The following NRG1 variants were observed in gnomAD, a reference collection of about 807,000 sequenced individuals.
NRG1 encodes the protein neuregulin 1.
In NRG1, 18 loss-of-function variants were observed where a neutral mutation model predicts 63.8. The observed-to-expected ratio is 0.28, with a 90% CI of 0.19 to 0.42. NRG1 has a LOEUF of 0.42. NRG1 is among the 10% of genes least tolerant of loss of function. NRG1 has a pLI of 1.00. For synonymous variants in NRG1, 302 were observed against 301.3 expected, an observed-to-expected ratio of 1.00 and a Z score of -0.02; for missense variants, 762 against 814.7, an observed-to-expected ratio of 0.94 and a Z score of 0.79.
At chr8:32,385,282 C>G (rs1810866270) in intron 1 of NRG1, among the ~76,000 whole-genome samples, 1 of 152,114 alleles carries the variant, frequency 6.6e-6, no homozygotes, top group South Asian at 2.1e-4. Flanking sequence ...GCCTTGGCCT[C>G]CCAAAGTGCT....
chr8:32,327,789 G>A (rs907631500), intron 1 of NRG1, among the ~76,000 whole-genome samples: 1 of 152,210 alleles, frequency 6.6e-6, no homozygotes, highest in African/African-American at 2.4e-5. Context: ...AGCCTTATTA[G>A]GTGGTGAGAT....
intron 1 of NRG1, among the ~76,000 whole-genome samples, chr8:31,846,741 A>G (rs1826725876): frequency 6.6e-6 from 1 of 152,194 alleles, no homozygotes; most frequent in Non-Finnish European, 1.5e-5. Context: ...CCTCTCCTTA[A>G]AAGAAAGAAC....
intron 1 of NRG1, among the ~76,000 whole-genome samples, chr8:32,566,313 C>T (rs1837435960): frequency 6.9e-6 from 1 of 145,368 alleles, no homozygotes; most frequent in African/African-American, 2.6e-5. Flanking sequence ...GCCGAGATCA[C>T]ACCACTTCAC....
chr8:32,660,337 C>T (rs916793496), intron 5 of NRG1, among the ~76,000 whole-genome samples: 1 of 151,932 alleles, frequency 6.6e-6, no homozygotes, highest in African/African-American at 2.4e-5. Flanking sequence ...GTATCTCATT[C>T]GTATATTTAT....
intron 1 of NRG1, among the ~76,000 whole-genome samples, chr8:32,207,518 A>G (rs958759049): frequency 6.6e-6 from 1 of 152,222 alleles, no homozygotes; most frequent in African/African-American, 2.4e-5. Context: ...GTCAGAAGCT[A>G]CTACTCTGTT....
chr8:32,630,533 C>T (rs970817677), intron 5 of NRG1, among the ~76,000 whole-genome samples: 5 of 152,294 alleles, frequency 3.3e-5, no homozygotes, highest in African/African-American at 1.2e-4. Flanking sequence ...AGAATAAACA[C>T]ACCATGTGAT....
At chr8:32,737,062 G>T (rs1410261360) in intron 6 of NRG1, among the ~76,000 whole-genome samples, 4 of 152,120 alleles carry the variant, frequency 2.6e-5, no homozygotes, top group Admixed American at 2.6e-4. Context: ...CTGGTGCTGG[G>T]CAGAAGTTTG....
intron 1 of NRG1, among the ~76,000 whole-genome samples, chr8:32,018,251 T>C (rs1212851439): frequency 3.9e-5 from 6 of 152,208 alleles, no homozygotes; most frequent in Admixed American, 3.9e-4. Flanking sequence ...CTAATGTAAT[T>C]AAGAAGAACA....
At chr8:31,655,194 G>A (rs140962700) in intron 1 of NRG1, among the ~76,000 whole-genome samples, 86 of 152,238 alleles carry the variant, frequency 5.6e-4, no homozygotes, top group African/African-American at 2.0e-3. Context: ...TGTTTATCAG[G>A]CATCTATTAT....
rs113186084 is a variant in NRG1 at position 32,022,520 on chromosome 8, A to G, written c.37+383089A>G. 6.6e-3 allele frequency among the ~76,000 whole-genome samples: 1,004 copies of G among 152,324 alleles called. 8 individuals are homozygous for G. The highest frequency in any genetic ancestry group is 0.022 in the African/African-American group (934 of 41,582). On this transcript the variant is annotated intron_variant, in intron 1 of 10. Transcript: ENST00000519301. ...AGAGCTCTATTAAGTGGTCTAGAGTATATTCAAATTACAAGACATGCAACT... is the reference window on the plus strand; with the variant it reads ...AGAGCTCTATTAAGTGGTCTAGAGTGTATTCAAATTACAAGACATGCAACT...
intron 1 of NRG1, among the ~76,000 whole-genome samples, chr8:31,773,895 G>A (rs1021320492): frequency 5.3e-5 from 8 of 151,804 alleles, no homozygotes; most frequent in East Asian, 3.9e-4. Context: ...AGTAATTTAC[G>A]TACCTTCATC....
chr8:32,196,024 A>C (rs1842914764), intron 1 of NRG1, among the ~76,000 whole-genome samples: 1 of 152,114 alleles, frequency 6.6e-6, no homozygotes, highest in Non-Finnish European at 1.5e-5. Context: ...ACATAGTATT[A>C]GTTACTAATA....
At chr8:31,789,729 A>G (rs1278249364) in intron 1 of NRG1, among the ~76,000 whole-genome samples, 2 of 152,184 alleles carry the variant, frequency 1.3e-5, no homozygotes. Flanking sequence ...CATGGCCCTT[A>G]CATCCTTTTG....
chr8:32,636,538 C>G (rs1169182017), intron 5 of NRG1, among the ~76,000 whole-genome samples: 2 of 152,112 alleles, frequency 1.3e-5, no homozygotes, highest in Non-Finnish European at 2.9e-5. Context: ...CTGAATAACC[C>G]AAGGATTCTA....
At chr8:32,235,174 G>C (rs1053155678) in intron 1 of NRG1, among the ~76,000 whole-genome samples, 1 of 144,360 alleles carries the variant, frequency 6.9e-6, no homozygotes, top group Non-Finnish European at 1.5e-5. Context: ...CAGGAGGATT[G>C]CTTGAGCCTA....
chr8:31,907,024 A>G (rs1323473019), intron 1 of NRG1, among the ~76,000 whole-genome samples: 1 of 152,188 alleles, frequency 6.6e-6, no homozygotes, highest in Non-Finnish European at 1.5e-5. Flanking sequence ...ACTGATCCCA[A>G]CAGAGAAACA....
chr8:32,096,406 C>T (rs1339215471), intron 1 of NRG1, among the ~76,000 whole-genome samples: 1 of 152,168 alleles, frequency 6.6e-6, no homozygotes, highest in Admixed American at 6.5e-5. Context: ...TCACCTCAAA[C>T]ATTATCATTT....
At chr8:31,693,358 A>G (rs1809726210) in intron 1 of NRG1, among the ~76,000 whole-genome samples, 1 of 152,234 alleles carries the variant, frequency 6.6e-6, no homozygotes, top group African/African-American at 2.4e-5. Context: ...GAGAAAGCAC[A>G]CAAGGCATTA....
chr8:32,106,129 A>G (rs1831228654), intron 1 of NRG1, among the ~76,000 whole-genome samples: 1 of 152,326 alleles, frequency 6.6e-6, no homozygotes. Flanking sequence ...TGCTTTAGAC[A>G]TATTTGGTCT....
Sources: allele counts gnomAD v4.1 joint callset (sites outside exome capture counted in the v4.1 genomes callset), GRCh38; gene constraint gnomAD v4.1.1; transcripts MANE v1.5; gene names NCBI Gene and HGNC (gene_info 2026-07-23, HGNC 2026-07-21).